The following MTMR14 variants were observed in gnomAD, a reference collection of about 807,000 sequenced individuals.
MTMR14 encodes phosphatidylinositol-3,5-bisphosphate 3-phosphatase MTMR14.
In MTMR14, 48 loss-of-function variants were observed where a neutral mutation model predicts 86.3. The ratio of observed to expected loss-of-function variants is 0.56; its 90% CI spans 0.44 to 0.71. The LOEUF is 0.71. MTMR14 is among the 30% of genes least tolerant of loss of function. The pLI, the probability that MTMR14 is intolerant of heterozygous loss-of-function variation, is 0.00. For missense variants in MTMR14, 780 were observed against 834.6 expected, an observed-to-expected ratio of 0.93 and a Z score of 0.81; for synonymous variants, 366 against 326.1, an observed-to-expected ratio of 1.12 and a Z score of -1.32.
chr3:9,685,991 T>C (rs787837), intron 13 of MTMR14, among the ~76,000 whole-genome samples: 53,132 of 151,892 alleles, frequency 0.35, 9,733 homozygotes, highest in African/African-American at 0.45. Context: ...GCATGGAAGC[T>C]GTCCCACGGT....
rs1381639044 is a variant in MTMR14, at chr3:9,649,639, C to G, written c.56C>G (p.Ser19Ter). The G allele has an allele frequency of 6.4e-7, 1 of 1,571,804 alleles. No homozygotes were observed. Among genetic ancestry groups the G allele is most frequent in the Non-Finnish European group, 8.6e-7 (1 of 1,159,670 alleles). The change falls in exon 1 of 19, where the codon TCA becomes TGA. Residue 19 changes from serine to a stop codon, truncating the protein, a stop_gained. Coordinates refer to ENST00000296003, the MANE Select transcript of MTMR14 (RefSeq NM_001077525.3). LOFTEE classifies it high-confidence loss of function. ...GCCTCGGCGGGGTCCTCGGCCTCTT[C>G]AGGCAACCAGCCGCCTCAGGAGCTG... is the stretch of plus-strand genomic sequence containing the variant. Reference protein sequence around the residue: ...AAASAGSSASSGNQPPQELGL... With the variant: ...AAASAGSSAS
At chr3:9,662,831 A>T (rs568359790) in intron 3 of MTMR14, among the ~76,000 whole-genome samples, 1 of 152,360 alleles carries the variant, frequency 6.6e-6, no homozygotes, top group Non-Finnish European at 1.5e-5. Flanking sequence ...ATCACCATGT[A>T]AAGCAGACAA....
At chr3:9,678,969 T>C (rs763176207) in intron 9 of MTMR14, among the ~76,000 whole-genome samples, 1 of 152,198 alleles carries the variant, frequency 6.6e-6, no homozygotes, top group Non-Finnish European at 1.5e-5. Context: ...TCCCTGCTAG[T>C]TTCCCCTGTC....
chr3:9,668,916 G>A, intron 4 of MTMR14, 122 bp downstream of exon 4: 1 of 996,880 alleles, frequency 1.0e-6, no homozygotes, highest in Non-Finnish European at 1.6e-6. Flanking sequence ...AAGGCGAGCG[G>A]ATCCCGAGGT....
chr3:9,658,527 A>G (rs2047738931), intron 2 of MTMR14, among the ~76,000 whole-genome samples: 1 of 152,248 alleles, frequency 6.6e-6, no homozygotes, highest in Admixed American at 6.5e-5. Context: ...AATTGTTAAT[A>G]AAAGCTGGAA....
rs1267985022 is a variant in MTMR14 at position 9,668,733 on chromosome 3, G to A, written c.432G>A (p.Ser144=). The change falls in exon 4 of 19, where the codon TCG becomes TCA. Residue 144 remains serine, a synonymous_variant. Coordinates refer to ENST00000296003, the MANE Select transcript of MTMR14 (RefSeq NM_001077525.3). The part of the protein sequence containing the change: ...ILFKGKHICR[S]ATLAGWGELY... ...TTCTCTCCCAGCACATTTGCAGGTC[G>A]GCCACACTGGCTGGATGGGGAGAGC... 5.0e-6 allele frequency: 8 copies of A among 1,614,068 alleles called. No homozygotes were observed. In the East Asian group the frequency reaches 8.9e-5, roughly 18 times the overall value.
chr3:9,677,012 A>G lies in MTMR14; in HGVS notation c.752-305A>G, dbSNP rs1354975142. Among the ~76,000 whole-genome samples, 1 of 152,198 alleles carries G rather than the reference A, an allele frequency of 6.6e-6. No individual in the cohort carries two copies. The highest frequency in any genetic ancestry group is 1.5e-5 in the Non-Finnish European group (1 of 68,020). ...CTACAGAGACCTGTAGGACAAAGGG[A>G]CTTGCAATGTGGGGGAAGTGACTGG... is the stretch of plus-strand genomic sequence containing the variant. On this transcript the variant is annotated intron_variant, in intron 7 of 18. Coordinates refer to ENST00000296003, the MANE Select transcript of MTMR14 (RefSeq NM_001077525.3). The surrounding 1 kb of genome is among the most constrained non-coding windows in gnomAD (Gnocchi z 4.2).
At chr3:9,654,112 T>G (rs1559555530) in intron 2 of MTMR14, among the ~76,000 whole-genome samples, 1 of 152,144 alleles carries the variant, frequency 6.6e-6, no homozygotes, top group Non-Finnish European at 1.5e-5. Context: ...TTACCAGCGT[T>G]TACCGTATGT....
At chr3:9,654,236 A>T (rs112672223) in intron 2 of MTMR14, among the ~76,000 whole-genome samples, 352 of 152,306 alleles carry the variant, frequency 2.3e-3, no homozygotes, top group African/African-American at 8.3e-3. Context: ...AAGTTACTTA[A>T]CTGCTTTGTC....
chr3:9,693,928 T>C (rs2076209917), intron 17 of MTMR14, among the ~76,000 whole-genome samples: 1 of 152,224 alleles, frequency 6.6e-6, no homozygotes. Flanking sequence ...AGGTTCCAGC[T>C]CTATTTCCCC....
chr3:9,695,753 G>C lies in MTMR14; in HGVS notation c.1614-1958G>C, dbSNP rs546095525. On this transcript the variant is annotated intron_variant, in intron 17 of 18. Transcript: ENST00000296003. ...CATTCCCTCAACATTCTGGTTTTTA[G>C]CTGTTGTTTTCCCACAAGCTGCTAG... 2.0e-4 allele frequency among the ~76,000 whole-genome samples: 30 copies of C among 152,302 alleles called. 1 individual carries two copies. Among genetic ancestry groups the C allele is most frequent in the South Asian group, 1.0e-3 (5 of 4,824 alleles).
chr3:9,676,895 C>T, intron 7 of MTMR14, among the ~76,000 whole-genome samples: 1 of 152,202 alleles, frequency 6.6e-6, no homozygotes. Context: ...GCATTATTTG[C>T]CCCCATTTTA....
At chr3:9,687,719 G>A (rs925969135) in intron 13 of MTMR14, 102 bp from the exon 14 acceptor site, 14 of 909,256 alleles carry the variant, frequency 1.5e-5, no homozygotes, top group Middle Eastern at 5.1e-4. Context: ...CAGCAGGGCC[G>A]CTCTCCAGCA....
In MTMR14 at chr3:9,688,779, TC is replaced by T. The variant is rs777200496; in HGVS notation, c.1294+28del. The stretch of plus-strand genomic sequence containing the variant: ...AGTGAGTCCTGGGCCCCAACAGACT[TC>T]CCTTCCTCCATACATCTTCCCGTGT... On this transcript the variant is annotated intron_variant, in intron 15 of 18. Transcript: ENST00000296003. 9 of 1,613,538 alleles carry T rather than the reference TC, an allele frequency of 5.6e-6. No individual in the cohort carries two copies. In the African/African-American group the frequency reaches 1.2e-4, roughly 22 times the overall value.
In MTMR14 at chr3:9,669,475, G is replaced by A. The variant is rs1444779085; in HGVS notation, c.537G>A (p.Glu179=). Residue 179 remains glutamate, a synonymous_variant, in exon 5 of 19, where the codon GAG becomes GAA. Transcript: ENST00000296003. ...GGGCAGATGTGGAGGACGTCACGGA[G>A]GAGGACTGTGCTCTTCGGTCAGTGC... The part of the protein sequence containing the change: ...DAWADVEDVT[E]EDCALRSGDT... 2 of 1,613,758 alleles carry A rather than the reference G, an allele frequency of 1.2e-6. No homozygotes were observed. Among genetic ancestry groups the A allele is most frequent in the East Asian group, 2.2e-5 (1 of 44,868 alleles).
chr3:9,664,378 G>C, intron 3 of MTMR14, among the ~76,000 whole-genome samples: 1 of 151,714 alleles, frequency 6.6e-6, no homozygotes, highest in Admixed American at 6.6e-5. Context: ...TATGATGGTG[G>C]CAGCATTATT....
intron 7 of MTMR14, among the ~76,000 whole-genome samples, chr3:9,673,368 A>G (rs541191962): frequency 4.6e-5 from 7 of 152,352 alleles, no homozygotes; most frequent in African/African-American, 1.2e-4. Context: ...AAGTGTGTGC[A>G]ACCTGTGGCC....
chr3:9,660,057 A>G (rs1397367924), intron 2 of MTMR14, among the ~76,000 whole-genome samples: 2 of 152,238 alleles, frequency 1.3e-5, no homozygotes, highest in African/African-American at 2.4e-5. Context: ...CGGGCCAAGT[A>G]AGTGGGAGGA....
rs543084165 is a variant in MTMR14, at chr3:9,701,795, C to G, written c.1775C>G (p.Ala592Gly). The G allele has an allele frequency of 1.2e-6, 2 of 1,613,664 alleles. No individual in the cohort carries two copies. Among genetic ancestry groups the G allele is most frequent in the Non-Finnish European group, 1.7e-6 (2 of 1,180,046 alleles). Residue 592 changes from alanine (A) to glycine (G), a missense_variant, in exon 19 of 19, where the codon GCA becomes GGA. Coordinates refer to ENST00000296003, the MANE Select transcript of MTMR14 (RefSeq NM_001077525.3). The surrounding 1 kb of genome is among the most constrained non-coding windows in gnomAD (Gnocchi z 4.2). ...PDELPNSCLL[A>G]ALSDRETRLQ... Reference sequence around the variant, plus strand: ...TTCTCTTGACCTCCCCATAGGCTTGCAGCCCTGAGTGATCGAGAGACTCGG... The same window carrying G: ...TTCTCTTGACCTCCCCATAGGCTTGGAGCCCTGAGTGATCGAGAGACTCGG...
Sources: gnomAD v4.1 joint callset for allele counts (sites outside exome capture counted in the v4.1 genomes callset) on GRCh38, gnomAD v4.1.1 for gene constraint, Gnocchi (gnomAD v3.1) non-coding constraint, MANE v1.5 for transcripts, NCBI Gene and HGNC (gene_info 2026-07-23, HGNC 2026-07-21) for gene names.